Variants in MINDY4 observed in about 807,000 individuals in gnomAD.
The protein encoded by MINDY4 is MINDY lysine 48 deubiquitinase 4.
Under a neutral mutation model 87.0 loss-of-function variants are expected in MINDY4, and 68 were observed. The observed-to-expected ratio is 0.78, with a 90% CI of 0.64 to 0.96. MINDY4 has a LOEUF of 0.96. MINDY4 is among the 40% of genes least tolerant of loss of function. The pLI is 0.00. For missense variants in MINDY4, 919 were observed against 928.2 expected (o/e 0.99, Z 0.13); for synonymous variants, 379 against 363.2 (o/e 1.04, Z -0.50).
At chr7:30,873,528 G>C (rs1295630448) in intron 14 of MINDY4, among the ~76,000 whole-genome samples, 1 of 152,198 alleles carries the variant, frequency 6.6e-6, no homozygotes, top group Non-Finnish European at 1.5e-5. Context: ...TGAAGAGCAG[G>C]CTCAGATTCA....
intron 2 of MINDY4, 50 bp from the exon 3 acceptor site, chr7:30,781,927 C>A (rs1787017493): frequency 3.8e-6 from 5 of 1,312,728 alleles, no homozygotes; most frequent in Non-Finnish European, 5.4e-6. Flanking sequence ...TTCCACTCTT[C>A]CCTGAAGCTG....
At chr7:30,827,952 G>A (rs943618801) in intron 5 of MINDY4, among the ~76,000 whole-genome samples, 36 of 152,244 alleles carry the variant, frequency 2.4e-4, no homozygotes, top group African/African-American at 8.4e-4. Flanking sequence ...ATGTAATATT[G>A]TTATTTTTAA....
intron 6 of MINDY4, among the ~76,000 whole-genome samples, chr7:30,831,899 C>T (rs759254272): frequency 7.2e-5 from 11 of 152,188 alleles, no homozygotes; most frequent in South Asian, 2.1e-4. Flanking sequence ...CTTTTCAATT[C>T]GACATTTAAA....
At chr7:30,828,547 G>T in intron 5 of MINDY4, 132 bp from the exon 6 acceptor site, 1 of 853,968 alleles carries the variant, frequency 1.2e-6, no homozygotes, top group South Asian at 1.5e-5. Context: ...AGTATTCAAG[G>T]CACACAGAGG....
chr7:30,798,799 T>C (rs578228781), intron 5 of MINDY4, among the ~76,000 whole-genome samples: 19 of 152,332 alleles, frequency 1.2e-4, no homozygotes, highest in Non-Finnish European at 2.4e-4. Context: ...CGCCCAGCCC[T>C]GCATCTTACT....
chr7:30,844,497 GGGGAGGAAGAACCCTCCTGA>G lies in MINDY4; in HGVS notation c.1445+3652_1445+3671del, dbSNP rs536243885. Among the ~76,000 whole-genome samples the G allele has an allele frequency of 4.6e-5, 7 of 152,146 alleles. No homozygotes were observed. The South Asian group carries it at 1.5e-3, about 32-fold the overall frequency. On this transcript the variant is annotated intron_variant, in intron 9 of 17. Coordinates refer to ENST00000265299, the MANE Select transcript of MINDY4 (RefSeq NM_032222.3). ...CTCAGGTCGCAGGTAGATAGGGGTTGGGGAGGAAGAACCCTCCTGAGGACAGGTTAGGGCTTCTGTCAAGT... is the reference window on the plus strand; with the variant it reads ...CTCAGGTCGCAGGTAGATAGGGGTTGGGACAGGTTAGGGCTTCTGTCAAGT...
chr7:30,874,802 A>T (rs1392952411), intron 14 of MINDY4, among the ~76,000 whole-genome samples: 1 of 152,112 alleles, frequency 6.6e-6, no homozygotes, highest in African/African-American at 2.4e-5. Context: ...AAGTTCAAAC[A>T]AGGCCTGGAG....
intron 9 of MINDY4, among the ~76,000 whole-genome samples, chr7:30,846,753 A>G: frequency 7.1e-6 from 1 of 141,748 alleles, no homozygotes; most frequent in Non-Finnish European, 1.5e-5. Context: ...CAATTTTTCC[A>G]TGGACTGGAG....
At chr7:30,854,067 G>T (rs975973600) in intron 12 of MINDY4, among the ~76,000 whole-genome samples, 4 of 152,180 alleles carry the variant, frequency 2.6e-5, no homozygotes, top group African/African-American at 9.7e-5. Context: ...CAGATCACAG[G>T]GCTCCGGGAA....
At chr7:30,875,907 G>T (rs923144370) in intron 15 of MINDY4, among the ~76,000 whole-genome samples, 1 of 152,234 alleles carries the variant, frequency 6.6e-6, no homozygotes, top group Non-Finnish European at 1.5e-5. Context: ...AGGGATTTCT[G>T]CCGTGATTGT....
At chr7:30,842,322 C>A (rs1343681678) in intron 9 of MINDY4, among the ~76,000 whole-genome samples, 2 of 152,186 alleles carry the variant, frequency 1.3e-5, no homozygotes, top group Non-Finnish European at 2.9e-5. Flanking sequence ...GGAAGTTCAG[C>A]CCCACAAAGG....
At position 30,832,479 on chromosome 7, in the gene MINDY4, C is replaced by G. The variant is rs555006199; in HGVS notation, c.1132+3742C>G. ...CAATGTTGGTCTTTGCAAAGCCTGC[C>G]TATCAGTATTCTTCCCTTTCTTCCT... is the stretch of plus-strand genomic sequence containing the variant. On this transcript the variant is annotated intron_variant, in intron 6 of 17. Transcript: ENST00000265299. 2.0e-5 allele frequency among the ~76,000 whole-genome samples: 3 copies of G among 152,270 alleles called. No individual in the cohort carries two copies. In the East Asian group the frequency reaches 5.8e-4, roughly 29 times the overall value.
At chr7:30,873,107 G>T (rs568125382) in intron 14 of MINDY4, among the ~76,000 whole-genome samples, 5 of 152,222 alleles carry the variant, frequency 3.3e-5, no homozygotes, top group African/African-American at 1.2e-4. Flanking sequence ...ACCTACGTGG[G>T]CACCATACAA....
At chr7:30,810,196 A>G (rs1344099735) in intron 5 of MINDY4, among the ~76,000 whole-genome samples, 1 of 151,162 alleles carries the variant, frequency 6.6e-6, no homozygotes, top group African/African-American at 2.4e-5. Flanking sequence ...AAAAAAAAAA[A>G]AGAAATGTTT....
intron 9 of MINDY4, among the ~76,000 whole-genome samples, chr7:30,849,863 ATT>A (rs1313952285): frequency 6.6e-6 from 1 of 152,008 alleles, no homozygotes; most frequent in East Asian, 1.9e-4. Flanking sequence ...CATTGTCCTT[ATT>A]TTGCTTGATG....
rs1296983208 is a variant in MINDY4 at position 30,850,573 on chromosome 7, C to T, written c.1547+18C>T. On this transcript the variant is annotated intron_variant, in intron 10 of 17. Transcript: ENST00000265299. ...GTTGCACTGTAAGTGGTTCCGAGGTCTGTGTTGCCGTGGCTCATCGTCTGC... is the reference window on the plus strand; with the variant it reads ...GTTGCACTGTAAGTGGTTCCGAGGTTTGTGTTGCCGTGGCTCATCGTCTGC... 6.3e-7 allele frequency: 1 copy of T among 1,583,584 alleles called. No homozygotes were observed. The highest frequency in any genetic ancestry group is 1.8e-5 in the Admixed American group (1 of 56,154).
At chr7:30,796,939 T>C (rs1445196532) in intron 5 of MINDY4, 1 of 151,734 alleles carries the variant, frequency 6.6e-6, no homozygotes, top group East Asian at 1.9e-4. Flanking sequence ...GACATACTCA[T>C]TTATTCAGTT....
intron 6 of MINDY4, among the ~76,000 whole-genome samples, chr7:30,834,776 T>G (rs1788808506): frequency 6.6e-6 from 1 of 152,206 alleles, no homozygotes; most frequent in Admixed American, 6.5e-5. Context: ...TTCCACCAGA[T>G]ACCCTAAATC....
chr7:30,832,319 G>A (rs1762719003), intron 6 of MINDY4, among the ~76,000 whole-genome samples: 1 of 152,210 alleles, frequency 6.6e-6, no homozygotes, highest in African/African-American at 2.4e-5. Flanking sequence ...TCTGGCTCAA[G>A]GCATTGCAAG....
Sources: allele counts gnomAD v4.1 joint callset (sites outside exome capture counted in the v4.1 genomes callset), GRCh38; gene constraint gnomAD v4.1.1; transcripts MANE v1.5; gene names NCBI Gene and HGNC (gene_info 2026-07-23, HGNC 2026-07-21).